RDH10: variants seen among roughly 807,000 people sequenced by gnomAD.
RDH10 encodes the protein retinol dehydrogenase 10 (all-trans).
A neutral mutation model predicts 30.2 loss-of-function variants in RDH10; 12 were observed. That is an observed-to-expected ratio of 0.40 (90% CI 0.25 to 0.64). The LOEUF (loss-of-function observed/expected upper bound fraction) is 0.64, where lower values mean the gene tolerates loss of function less well. RDH10 is among the 30% of genes least tolerant of loss of function. The pLI is 0.43. For missense variants in RDH10, 268 were observed against 445.2 expected, an observed-to-expected ratio of 0.60 and a Z score of 3.58; for synonymous variants, 189 against 172.2, an observed-to-expected ratio of 1.10 and a Z score of -0.76.
intron 2 of RDH10, among the ~76,000 whole-genome samples, chr8:73,306,599 A>G (rs1275305276): frequency 1.3e-5 from 2 of 152,366 alleles, no homozygotes; most frequent in African/African-American, 4.8e-5. Flanking sequence ...AGTGCTGTCA[A>G]ATTAGCCCCT....
In RDH10 at chr8:73,295,220, A is replaced by C; in HGVS notation, c.-70A>C. 293 of 1,102,582 alleles carry C rather than the reference A, an allele frequency of 2.7e-4. No homozygotes were observed. Among genetic ancestry groups the C allele is most frequent in the Middle Eastern group, 3.2e-4 (1 of 3,088 alleles). The allele number at this position is 1,102,582 out of a possible 1,614,324, so 68.3% of individuals were successfully genotyped here. On this transcript the variant is annotated 5_prime_UTR_variant, in exon 1 of 6. Coordinates refer to ENST00000240285, the MANE Select transcript of RDH10 (RefSeq NM_172037.5). ...CTGTGACAAGCGCCCCGGAGCCGGG[A>C]GCCCGATTGCCGGGCTCGGGGTGGG...
At chr8:73,301,943 G>C (rs141794895) in intron 2 of RDH10, among the ~76,000 whole-genome samples, 15 of 152,300 alleles carry the variant, frequency 9.8e-5, no homozygotes, top group African/African-American at 3.6e-4. Flanking sequence ...ATTGGTGTGA[G>C]GCTAGTGACT....
Position 73,320,921 on chromosome 8 carries a change from C to T in RDH10, c.625-11C>T. The T allele has an allele frequency of 6.2e-7, 1 of 1,614,018 alleles. No homozygotes were observed. The highest frequency in any genetic ancestry group is 1.1e-5 in the South Asian group (1 of 91,072). On this transcript the variant is annotated splice_polypyrimidine_tract_variant and intron_variant, in intron 3 of 5. Coordinates refer to ENST00000240285, the MANE Select transcript of RDH10 (RefSeq NM_172037.5). ...GCTTAGTATTTCTGCTTTCTCCCCT[C>T]TTTAACTCAGGATTACTGTGCCAGT...
intron 2 of RDH10, among the ~76,000 whole-genome samples, chr8:73,302,666 C>T (rs192400215): frequency 1.3e-5 from 2 of 152,200 alleles, no homozygotes; most frequent in Non-Finnish European, 2.9e-5. Flanking sequence ...GCTTGGGTGA[C>T]GAGAGCCAGA....
In RDH10 at chr8:73,322,972, T is replaced by C; in HGVS notation, c.962T>C (p.Met321Thr). Residue 321 changes from methionine to threonine, a missense_variant, in exon 6 of 6, where the codon ATG becomes ACG. Met to Thr is a moderately conservative substitution (Grantham distance 81, BLOSUM62 -1). Around this residue, in one of 4 missense-constraint regions of RDH10, gnomAD observed 136 missense variants for 288.8 expected, o/e 0.47. Transcript: ENST00000240285. ...MYRFLGADKCMYPFIAQRKQA... is the reference protein window; with the variant it reads ...MYRFLGADKCTYPFIAQRKQA... ...CGGTTCCTAGGAGCGGACAAGTGTATGTACCCCTTTATTGCTCAAAGAAAG... is the reference window on the plus strand; with the variant it reads ...CGGTTCCTAGGAGCGGACAAGTGTACGTACCCCTTTATTGCTCAAAGAAAG... 1 of 1,613,950 alleles carries C rather than the reference T, an allele frequency of 6.2e-7. No homozygotes were observed. Among genetic ancestry groups the C allele is most frequent in the Non-Finnish European group, 8.5e-7 (1 of 1,179,804 alleles).
chr8:73,311,541 C>A (rs1309875730), intron 2 of RDH10: 1 of 152,174 alleles, frequency 6.6e-6, no homozygotes, highest in African/African-American at 2.4e-5. Context: ...GGTTGCAGGG[C>A]AACTGTAGGA....
chr8:73,301,612 T>TAGCC (rs59930412), intron 2 of RDH10, among the ~76,000 whole-genome samples: 135,709 of 151,414 alleles, frequency 0.9, 61,014 homozygotes, highest in African/African-American at 0.97. Flanking sequence ...ACAAAAAAAG[T>TAGCC]AGCCGTGGTG....
chr8:73,300,347 A>C (rs1054879374), intron 2 of RDH10: 3 of 152,250 alleles, frequency 2.0e-5, no homozygotes, highest in Non-Finnish European at 2.9e-5. Flanking sequence ...ACCTGAATTC[A>C]GCTTCCCTTC....
At chr8:73,311,482 C>T (rs966084482) in intron 2 of RDH10, 2 of 152,178 alleles carry the variant, frequency 1.3e-5, no homozygotes, top group African/African-American at 2.4e-5. Flanking sequence ...CTAATGGTGT[C>T]ATCATCGAGG....
intron 2 of RDH10, among the ~76,000 whole-genome samples, chr8:73,310,429 T>A (rs1563549494): frequency 6.6e-6 from 1 of 151,872 alleles, no homozygotes; most frequent in Non-Finnish European, 1.5e-5. Context: ...ATTACAGGGG[T>A]TGATGATGGG....
chr8:73,321,914 G>A, intron 4 of RDH10: 2 of 456,250 alleles, frequency 4.4e-6, no homozygotes, highest in Middle Eastern at 6.5e-4. Flanking sequence ...CTGGAAAATG[G>A]ACTCTAGCTC....
At position 73,324,964 on chromosome 8, in the gene RDH10, A is replaced by G. The variant is rs1814844608; in HGVS notation, c.*1928A>G. The G allele has an allele frequency of 6.6e-6, 1 of 152,218 alleles. No homozygotes were observed. The highest frequency in any genetic ancestry group is 2.4e-5 in the African/African-American group (1 of 41,452). 9.4% of individuals were successfully genotyped at this position (152,218 alleles called of 1,614,324 possible). ...ACCAAACCTTATGGCCCTTATAACA[A>G]TGGAGGCACTGGCTGCCTCTTAATT... is the stretch of plus-strand genomic sequence containing the variant. On this transcript the variant is annotated 3_prime_UTR_variant, in exon 6 of 6. Transcript: ENST00000240285.
At position 73,295,090 on chromosome 8, in the gene RDH10, G is replaced by T. The variant is rs1422088738; in HGVS notation, c.-200G>T. ...GCACAGTCCGGGGCCACAGCGCCGAGCCCGGGCGGGAGTGGCCCCGCGCAG... is the reference window on the plus strand; with the variant it reads ...GCACAGTCCGGGGCCACAGCGCCGATCCCGGGCGGGAGTGGCCCCGCGCAG... On this transcript the variant is annotated 5_prime_UTR_variant, in exon 1 of 6. Transcript: ENST00000240285. The T allele has an allele frequency of 1.7e-5, 6 of 362,148 alleles. No homozygotes were observed. The highest frequency in any genetic ancestry group is 1.4e-4 in the East Asian group (3 of 21,662). The allele number at this position is 362,148 out of a possible 1,614,324, so 22.4% of individuals were successfully genotyped here.
intron 2 of RDH10, among the ~76,000 whole-genome samples, chr8:73,316,178 G>A (rs1437325141): frequency 3.3e-5 from 5 of 151,950 alleles, no homozygotes; most frequent in African/African-American, 7.3e-5. Flanking sequence ...CACTATGCCC[G>A]GCTAATTTTT....
rs1814234406 is a variant in RDH10, at chr8:73,295,115, G to C, written c.-175G>C. On this transcript the variant is annotated 5_prime_UTR_variant, in exon 1 of 6. Coordinates refer to ENST00000240285, the MANE Select transcript of RDH10 (RefSeq NM_172037.5). ...GCCCGGGCGGGAGTGGCCCCGCGCA[G>C]GCAGGGAGCGGCGCCGCGCACTCCA... The C allele has an allele frequency of 2.2e-6, 1 of 460,530 alleles. No individual in the cohort carries two copies. The highest frequency in any genetic ancestry group is 6.1e-5 in the South Asian group (1 of 16,522). 28.5% of individuals were successfully genotyped at this position (460,530 alleles called of 1,614,324 possible). A position where few individuals can be genotyped will look rare whatever the true frequency, so the allele number is the denominator to read the frequency against.
chr8:73,295,701 C>T (rs1814249360), intron 1 of RDH10, 123 bp downstream of exon 1: 7 of 1,070,496 alleles, frequency 6.5e-6, no homozygotes, highest in South Asian at 1.7e-5. Flanking sequence ...AACACCCCAC[C>T]GGTCTTTTGG....
chr8:73,297,498 T>A, intron 2 of RDH10, 69 bp downstream of exon 2: 2 of 1,173,874 alleles, frequency 1.7e-6, no homozygotes, highest in Non-Finnish European at 2.6e-6. Context: ...GGGGAGAGAC[T>A]TCAGTGCCAG....
chr8:73,317,071 T>C (rs1814683014), intron 2 of RDH10, among the ~76,000 whole-genome samples: 1 of 152,190 alleles, frequency 6.6e-6, no homozygotes, highest in Non-Finnish European at 1.5e-5. Context: ...TCTCCCTTAA[T>C]ATTTGGAAGA....
intron 3 of RDH10, 70 bp downstream of exon 3, chr8:73,319,264 G>A: frequency 9.8e-7 from 1 of 1,024,578 alleles, no homozygotes; most frequent in East Asian, 2.4e-5. Flanking sequence ...AGAACCTCCA[G>A]GAGAGCACCT....
Sources: gnomAD v4.1 joint callset for allele counts (sites outside exome capture counted in the v4.1 genomes callset) on GRCh38, gnomAD v4.1.1 for gene constraint, gnomAD v4.1.1 regional missense constraint, MANE v1.5 for transcripts, NCBI Gene and HGNC (gene_info 2026-07-23, HGNC 2026-07-21) for gene names.